PDE1C: variants seen among roughly 807,000 people sequenced by gnomAD.
PDE1C encodes the protein dual specificity calcium/calmodulin-dependent 3',5'-cyclic nucleotide phosphodiesterase 1C.
In PDE1C, 62 loss-of-function variants were observed where a neutral mutation model predicts 93.1. That is an observed-to-expected ratio of 0.67 (90% confidence interval 0.54 to 0.82). The LOEUF is 0.82. Among genes scored for constraint, PDE1C ranks in the 40% least tolerant of loss-of-function variants. PDE1C has a pLI of 0.00. For synonymous variants in PDE1C, 325 were observed against 310.1 expected (o/e 1.05, Z -0.50); for missense variants, 742 against 884.6 (o/e 0.84, Z 2.04).
At chr7:31,780,803 T>TTGTG (rs55970947) in intron 16 of PDE1C, among the ~76,000 whole-genome samples, 151 of 149,726 alleles carry the variant, frequency 1.0e-3, no homozygotes, top group African/African-American at 3.7e-3. Context: ...ACGTGTGCAT[T>TTGTG]TGTGTGTGTG....
At chr7:32,315,991 C>T (rs993155560) in intron 1 of PDE1C, among the ~76,000 whole-genome samples, 3 of 152,102 alleles carry the variant, frequency 2.0e-5, no homozygotes, top group Admixed American at 6.6e-5. Flanking sequence ...GCGAAAACTC[C>T]ATCTCAAAAA....
At chr7:32,070,538 C>G (rs1433656249), upstream of PDE1C, 7 of 1,477,202 alleles carry the variant, frequency 4.7e-6, no homozygotes, top group Non-Finnish European at 6.3e-6. Flanking sequence ...TTCTGCGCCC[C>G]CAGACTCCGA....
At chr7:32,112,767 G>A (rs1798714728) in intron 3 of PDE1C, among the ~76,000 whole-genome samples, 1 of 148,404 alleles carries the variant, frequency 6.7e-6, no homozygotes. Flanking sequence ...GCCTTAAAAA[G>A]CTTTCTTGAT....
chr7:32,423,631 G>A (rs1785477170), intron 1 of PDE1C, among the ~76,000 whole-genome samples: 1 of 152,152 alleles, frequency 6.6e-6, no homozygotes, highest in Non-Finnish European at 1.5e-5. Context: ...ACCAATGTTT[G>A]AAATCTACTG....
chr7:31,703,761 G>A, the PDE1C span, among the ~76,000 whole-genome samples: 31 of 152,304 alleles, frequency 2.0e-4, no homozygotes, highest in East Asian at 5.8e-3. Context: ...TTAGCCCTTG[G>A]CAAGTGAAAA....
At chr7:32,123,122 T>A (rs957116356) in intron 3 of PDE1C, among the ~76,000 whole-genome samples, 2 of 151,982 alleles carry the variant, frequency 1.3e-5, no homozygotes, top group Admixed American at 6.6e-5. Context: ...AAGAAATAGA[T>A]AAATTCCTGG....
At chr7:31,765,225 C>G (rs917480919) in intron 17 of PDE1C, among the ~76,000 whole-genome samples, 4 of 152,130 alleles carry the variant, frequency 2.6e-5, no homozygotes, top group Admixed American at 2.6e-4. Context: ...CAAACGATGG[C>G]TTCCTATCAA....
intron 2 of PDE1C, among the ~76,000 whole-genome samples, chr7:31,964,078 T>C (rs1342862016): frequency 2.0e-5 from 3 of 152,128 alleles, no homozygotes; most frequent in Non-Finnish European, 2.9e-5. Context: ...AGGTAGCGGG[T>C]TCATCTCACT....
intron 2 of PDE1C, among the ~76,000 whole-genome samples, chr7:31,988,735 G>C (rs1403117889): frequency 6.6e-6 from 1 of 152,214 alleles, no homozygotes; most frequent in Non-Finnish European, 1.5e-5. Context: ...AGTGGCTTAC[G>C]CCTGTAATCC....
intron 1 of PDE1C, among the ~76,000 whole-genome samples, chr7:32,065,076 G>T (rs1165921420): frequency 7.5e-6 from 1 of 132,784 alleles, no homozygotes; most frequent in African/African-American, 2.7e-5. Context: ...GGAGCCGGGG[G>T]CCAGTGAGGG....
chr7:31,955,750 G>T (rs926065911), intron 2 of PDE1C, among the ~76,000 whole-genome samples: 2 of 152,166 alleles, frequency 1.3e-5, no homozygotes, highest in Admixed American at 6.5e-5. Context: ...GAAATTAAAT[G>T]ATTTGCTCAG....
At chr7:31,906,033 G>A (rs1252965454) in intron 2 of PDE1C, among the ~76,000 whole-genome samples, 1 of 152,170 alleles carries the variant, frequency 6.6e-6, no homozygotes, top group East Asian at 1.9e-4. Context: ...CCCCAGCCAT[G>A]CTGAACTGTG....
chr7:31,626,011 A>C, the PDE1C span, among the ~76,000 whole-genome samples: 121 of 152,328 alleles, frequency 7.9e-4, no homozygotes, highest in African/African-American at 2.8e-3. Context: ...AAAAAACTTT[A>C]TGACTAACTC....
At chr7:31,818,388 C>T (rs1354384046) in intron 14 of PDE1C, among the ~76,000 whole-genome samples, 1 of 152,134 alleles carries the variant, frequency 6.6e-6, no homozygotes, top group Non-Finnish European at 1.5e-5. Context: ...TCTTCAGTGA[C>T]TGAGGATGGG....
chr7:31,737,383 G>A, the PDE1C span, among the ~76,000 whole-genome samples: 2 of 152,136 alleles, frequency 1.3e-5, 1 homozygote, highest in African/African-American at 4.8e-5. Context: ...CAATAAAACT[G>A]TTTCTTTTGA....
chr7:32,071,333 C>T, upstream of PDE1C: 2 of 985,578 alleles, frequency 2.0e-6, no homozygotes, highest in Non-Finnish European at 2.4e-6. Context: ...CAGCCTCACT[C>T]TCGCACCCGC....
intron 3 of PDE1C, among the ~76,000 whole-genome samples, chr7:32,114,381 C>T (rs2128758649): frequency 6.6e-6 from 1 of 152,286 alleles, no homozygotes; most frequent in East Asian, 1.9e-4. Context: ...AAAGGATCTC[C>T]TATCCAATAA....
At chr7:31,954,003 A>G (rs1261500588) in intron 2 of PDE1C, among the ~76,000 whole-genome samples, 3 of 152,190 alleles carry the variant, frequency 2.0e-5, no homozygotes, top group Non-Finnish European at 4.4e-5. Context: ...ATATCCTCCA[A>G]TTCAATCTTC....
chr7:31,754,728 C>T (rs777886206), intron 17 of PDE1C, among the ~76,000 whole-genome samples: 15 of 152,142 alleles, frequency 9.9e-5, no homozygotes, highest in South Asian at 4.1e-4. Context: ...GATTGTCAGG[C>T]GTTTGGAAAG....
Sources: gnomAD v4.1 joint callset for allele counts (sites outside exome capture counted in the v4.1 genomes callset) on GRCh38, gnomAD v4.1.1 for gene constraint, MANE v1.5 for transcripts, NCBI Gene and HGNC (gene_info 2026-07-23, HGNC 2026-07-21) for gene names.